Variants in ROBO1 observed in about 807,000 individuals in gnomAD.
The protein encoded by ROBO1 is roundabout homolog 1.
ROBO1 carries 149 observed loss-of-function variants against 195.9 expected under a neutral mutation model. The observed-to-expected ratio is 0.76, with a 90% CI of 0.67 to 0.87. The LOEUF is 0.87. Ranked by LOEUF, ROBO1 falls within the 40% of genes least tolerant of loss-of-function variation. ROBO1 has a pLI of 0.00. For missense variants in ROBO1, 1,933 were observed against 2,068.3 expected (o/e 0.93, Z 1.27); for synonymous variants, 816 against 733.2 (o/e 1.11, Z -1.82).
intron 4 of ROBO1, among the ~76,000 whole-genome samples, chr3:78,906,218 C>T (rs923403097): frequency 1.3e-5 from 2 of 152,084 alleles, no homozygotes; most frequent in Non-Finnish European, 2.9e-5. Flanking sequence ...CACACGGAAT[C>T]GTGTGCCCCA....
chr3:79,701,137 T>A lies in ROBO1; in HGVS notation c.-51+66615A>T, dbSNP rs79623543. On this transcript the variant is annotated intron_variant, in intron 1 of 30. Transcript: ENST00000464233. ...TTGTTGAAAATAAGATGACTGTAGATGTGCAGCTTTATTTCTTGAGTCTCT... is the reference window on the plus strand; with the variant it reads ...TTGTTGAAAATAAGATGACTGTAGAAGTGCAGCTTTATTTCTTGAGTCTCT... 5.3e-3 allele frequency among the ~76,000 whole-genome samples: 801 copies of A among 151,918 alleles called. 7 individuals are homozygous for A. Among genetic ancestry groups the A allele is most frequent in the African/African-American group, 0.019 (769 of 41,486 alleles).
At chr3:79,014,307 T>C (rs1017526869) in intron 3 of ROBO1, among the ~76,000 whole-genome samples, 19 of 152,164 alleles carry the variant, frequency 1.2e-4, no homozygotes, top group Non-Finnish European at 2.2e-4. Flanking sequence ...CCATCTCTAC[T>C]ACTAAAAATA....
Position 79,167,284 on chromosome 3 carries a change from T to A in ROBO1, c.89-41745A>T, listed in dbSNP as rs184702552. Among the ~76,000 whole-genome samples the A allele has an allele frequency of 2.0e-5, 3 of 152,292 alleles. No individual in the cohort carries two copies. The East Asian group carries it at 5.8e-4, about 29-fold the overall frequency. On this transcript the variant is annotated intron_variant, in intron 2 of 30. Coordinates refer to ENST00000464233, the MANE Select transcript of ROBO1 (RefSeq NM_002941.4). ...TTGTGTTTTTTTGTTTACTCTTCAC[T>A]ATTTTTGTTTGCTTGTGCCAACAAA...
intron 3 of ROBO1, among the ~76,000 whole-genome samples, chr3:78,997,300 A>C (rs2077390694): frequency 6.6e-6 from 1 of 152,148 alleles, no homozygotes; most frequent in Non-Finnish European, 1.5e-5. Context: ...TTTTTTATAA[A>C]ACAGGATTGA....
chr3:79,709,571 A>G (rs1352815132), intron 1 of ROBO1, among the ~76,000 whole-genome samples: 1 of 152,192 alleles, frequency 6.6e-6, no homozygotes, highest in Non-Finnish European at 1.5e-5. Context: ...TATAATAAAT[A>G]TACATATCTG....
At chr3:79,654,942 T>G (rs531259471) in intron 1 of ROBO1, among the ~76,000 whole-genome samples, 1 of 152,058 alleles carries the variant, frequency 6.6e-6, no homozygotes, top group African/African-American at 2.4e-5. Context: ...AGTGCCTTAA[T>G]TTTTTCCCCT....
At chr3:78,740,478 C>CT (rs1553716533) in intron 5 of ROBO1, among the ~76,000 whole-genome samples, 324 of 78,440 alleles carry the variant, frequency 4.1e-3, no homozygotes, top group African/African-American at 0.013. Flanking sequence ...TTCTTTCTTT[C>CT]TTTTTTTTTT....
At chr3:79,355,784 A>G (rs114338298) in intron 2 of ROBO1, among the ~76,000 whole-genome samples, 248 of 152,266 alleles carry the variant, frequency 1.6e-3, no homozygotes, top group African/African-American at 5.8e-3. Context: ...GTATATATAC[A>G]TCACATTTTC....
intron 3 of ROBO1, among the ~76,000 whole-genome samples, chr3:79,028,086 G>T (rs1234428929): frequency 6.6e-6 from 1 of 151,998 alleles, no homozygotes; most frequent in Non-Finnish European, 1.5e-5. Context: ...CATACTAAAA[G>T]TAGTATGGCT....
chr3:78,683,911 A>C (rs2080991293), intron 10 of ROBO1, among the ~76,000 whole-genome samples: 1 of 152,072 alleles, frequency 6.6e-6, no homozygotes, highest in Non-Finnish European at 1.5e-5. Context: ...CTAATCATAA[A>C]AAAAAAATGG....
At position 79,125,558 on chromosome 3, in the gene ROBO1, G is replaced by T. The variant is rs758902572; in HGVS notation, c.89-19C>A. The T allele has an allele frequency of 1.2e-6, 2 of 1,605,194 alleles. No individual in the cohort carries two copies. Among genetic ancestry groups the T allele is most frequent in the South Asian group, 2.2e-5 (2 of 90,526 alleles). On this transcript the variant is annotated intron_variant, in intron 2 of 30. Transcript: ENST00000464233. ...TCAGGGTCTGTCGGAAACAACACCA[G>T]AGCTGCTGATGGGGTCACAGTAGTA...
intron 3 of ROBO1, among the ~76,000 whole-genome samples, chr3:78,968,271 C>A (rs1454544166): frequency 8.4e-6 from 1 of 119,462 alleles, no homozygotes; most frequent in African/African-American, 3.2e-5. Context: ...TGTATAGATT[C>A]TTTTTTTTTT....
At position 78,614,806 on chromosome 3, in the gene ROBO1, G is replaced by GAA; in HGVS notation, c.4283-7_4283-6insTT. ...CGCATGAAAATGTCGACGGCCTAAG[G>GAA]AGAAAAAAAAAAAAAATCCAAGCCA... On this transcript the variant is annotated splice_region_variant and splice_polypyrimidine_tract_variant and intron_variant, in intron 27 of 30. Coordinates refer to ENST00000464233, the MANE Select transcript of ROBO1 (RefSeq NM_002941.4). 1 of 1,546,166 alleles carries GAA rather than the reference G, an allele frequency of 6.5e-7. No individual in the cohort carries two copies. The highest frequency in any genetic ancestry group is 8.7e-7 in the Non-Finnish European group (1 of 1,149,970).
chr3:79,203,672 G>A (rs1329574227), intron 2 of ROBO1, among the ~76,000 whole-genome samples: 3 of 152,148 alleles, frequency 2.0e-5, no homozygotes, highest in Non-Finnish European at 4.4e-5. Flanking sequence ...AAGTGTATAT[G>A]GTGAACAATT....
At chr3:79,247,764 T>C (rs1336914107) in intron 2 of ROBO1, among the ~76,000 whole-genome samples, 2 of 152,142 alleles carry the variant, frequency 1.3e-5, no homozygotes, top group African/African-American at 2.4e-5. Context: ...TCAAGTAATA[T>C]GCCATGGCAT....
intron 2 of ROBO1, among the ~76,000 whole-genome samples, chr3:79,315,057 T>C (rs755376368): frequency 7.9e-5 from 12 of 152,190 alleles, no homozygotes; most frequent in African/African-American, 2.7e-4. Flanking sequence ...CTTATGGTCA[T>C]TGTAAGAACT....
chr3:79,125,933 A>G (rs1225675197), intron 2 of ROBO1, among the ~76,000 whole-genome samples: 2 of 152,034 alleles, frequency 1.3e-5, no homozygotes, highest in Non-Finnish European at 2.9e-5. Flanking sequence ...AATCAAAGCT[A>G]TTGACTGTGA....
intron 2 of ROBO1, among the ~76,000 whole-genome samples, chr3:79,248,713 C>T (rs2082669923): frequency 6.6e-6 from 1 of 152,108 alleles, no homozygotes; most frequent in Non-Finnish European, 1.5e-5. Context: ...GAGTGGTTTG[C>T]TCTAAAGAGG....
At chr3:79,507,521 A>G (rs978766267) in intron 2 of ROBO1, among the ~76,000 whole-genome samples, 1 of 152,158 alleles carries the variant, frequency 6.6e-6, no homozygotes, top group African/African-American at 2.4e-5. Context: ...TGTTTTGGGA[A>G]TGAGAAGTGT....
Sources: gnomAD v4.1 joint callset for allele counts (sites outside exome capture counted in the v4.1 genomes callset) on GRCh38, gnomAD v4.1.1 for gene constraint, MANE v1.5 for transcripts, NCBI Gene and HGNC (gene_info 2026-07-23, HGNC 2026-07-21) for gene names.